KCNIP1: variants seen among roughly 807,000 people sequenced by gnomAD.
KCNIP1 encodes the protein potassium voltage-gated channel interacting protein 1, also known as A-type potassium channel modulatory protein KCNIP1.
KCNIP1 carries 18 observed loss-of-function variants against 33.0 expected under a neutral mutation model. That is an observed-to-expected ratio of 0.55 (90% CI 0.38 to 0.81). The LOEUF (loss-of-function observed/expected upper bound fraction) is 0.81. KCNIP1 is among the 30% of genes least tolerant of loss of function. The pLI is 0.00. For missense variants in KCNIP1, 238 were observed against 271.6 expected (o/e 0.88, Z 0.87); for synonymous variants, 93 against 98.3 (o/e 0.95, Z 0.32).
At chr5:170,542,552 C>G (rs1027340112) in intron 1 of KCNIP1, among the ~76,000 whole-genome samples, 1 of 152,072 alleles carries the variant, frequency 6.6e-6, no homozygotes, top group Non-Finnish European at 1.5e-5. Flanking sequence ...AATAGAATAC[C>G]TTAGATTGGG....
intron 1 of KCNIP1, among the ~76,000 whole-genome samples, chr5:170,537,246 T>C (rs1756024520): frequency 6.6e-6 from 1 of 152,146 alleles, no homozygotes; most frequent in Admixed American, 6.5e-5. Context: ...CAATCCCAAC[T>C]TTGACAATTG....
At chr5:170,383,722 G>A in intron 1 of KCNIP1, 1 of 1,614,158 alleles carries the variant, frequency 6.2e-7, no homozygotes, top group Non-Finnish European at 8.5e-7. Flanking sequence ...GTACAGCACA[G>A]CCCACCTGCC....
At chr5:170,591,866 C>T (rs1758274965) in intron 1 of KCNIP1, among the ~76,000 whole-genome samples, 1 of 152,170 alleles carries the variant, frequency 6.6e-6, no homozygotes, top group African/African-American at 2.4e-5. Context: ...TGGGTTGCAT[C>T]CACCTTTTTT....
At chr5:170,403,518 GA>G (rs1310770365) in intron 1 of KCNIP1, among the ~76,000 whole-genome samples, 1 of 152,172 alleles carries the variant, frequency 6.6e-6, no homozygotes, top group Non-Finnish European at 1.5e-5. Flanking sequence ...ATCAGCCATG[GA>G]AAGGCCCTGT....
intron 1 of KCNIP1, among the ~76,000 whole-genome samples, chr5:170,416,667 T>G (rs1755339041): frequency 1.3e-5 from 2 of 151,950 alleles, no homozygotes; most frequent in Non-Finnish European, 2.9e-5. Flanking sequence ...GCTAATTTTT[T>G]TTAATACTTA....
chr5:170,717,837 G>A (rs1053633119), intron 1 of KCNIP1, among the ~76,000 whole-genome samples: 1 of 152,196 alleles, frequency 6.6e-6, no homozygotes, highest in Non-Finnish European at 1.5e-5. Context: ...TCAATAGATG[G>A]ATTTGGTAAT....
At chr5:170,677,969 T>C (rs60110889) in intron 1 of KCNIP1, among the ~76,000 whole-genome samples, 16,102 of 152,146 alleles carry the variant, frequency 0.11, 1,669 homozygotes, top group African/African-American at 0.27. Flanking sequence ...ACATCTCCAA[T>C]ACAAACATAT....
intron 1 of KCNIP1, among the ~76,000 whole-genome samples, chr5:170,626,605 T>C (rs901086605): frequency 6.6e-6 from 1 of 152,082 alleles, no homozygotes; most frequent in Non-Finnish European, 1.5e-5. Context: ...ACTCCAAGGG[T>C]GACCAGGTGT....
At chr5:170,402,777 G>A (rs1482078114) in intron 1 of KCNIP1, among the ~76,000 whole-genome samples, 1 of 152,168 alleles carries the variant, frequency 6.6e-6, no homozygotes, top group African/African-American at 2.4e-5. Flanking sequence ...TGGAGGCAGG[G>A]GGAAAGCACC....
At chr5:170,430,932 CTTCCTG>C (rs1755726063) in intron 1 of KCNIP1, among the ~76,000 whole-genome samples, 1 of 152,246 alleles carries the variant, frequency 6.6e-6, no homozygotes, top group Non-Finnish European at 1.5e-5. Context: ...CTGTCCACGA[CTTCCTG>C]TCATGGCTGG....
intron 1 of KCNIP1, among the ~76,000 whole-genome samples, chr5:170,597,795 A>ATG (rs1758504958): frequency 1.6e-4 from 2 of 12,394 alleles, no homozygotes; most frequent in African/African-American, 6.6e-4. Context: ...ATATATATAT[A>ATG]TATATATATA....
At chr5:170,678,564 TAGA>T (rs1762224740) in intron 1 of KCNIP1, 1 of 152,198 alleles carries the variant, frequency 6.6e-6, no homozygotes, top group African/African-American at 2.4e-5. Flanking sequence ...CATTCTTTCC[TAGA>T]AATACCAGAA....
At chr5:170,629,378 AG>A (rs1759962519) in intron 1 of KCNIP1, among the ~76,000 whole-genome samples, 1 of 152,194 alleles carries the variant, frequency 6.6e-6, no homozygotes, top group Non-Finnish European at 1.5e-5. Flanking sequence ...CAGCAGGCCA[AG>A]GGACTCCTCC....
intron 1 of KCNIP1, among the ~76,000 whole-genome samples, chr5:170,623,264 A>G (rs1307811595): frequency 1.3e-5 from 2 of 150,630 alleles, no homozygotes; most frequent in East Asian, 4.0e-4. Context: ...CCCAGGCTGG[A>G]GTGCAATGGC....
chr5:170,473,006 C>G (rs1756771748), intron 1 of KCNIP1, among the ~76,000 whole-genome samples: 1 of 152,196 alleles, frequency 6.6e-6, no homozygotes, highest in Non-Finnish European at 1.5e-5. Flanking sequence ...GGAATCTCCA[C>G]ACTGTTTTCC....
chr5:170,525,299 T>C (rs1755527714), intron 1 of KCNIP1, among the ~76,000 whole-genome samples: 1 of 152,244 alleles, frequency 6.6e-6, no homozygotes, highest in South Asian at 2.1e-4. Context: ...CTTGGTGACT[T>C]AACCTTCCTG....
intron 1 of KCNIP1, among the ~76,000 whole-genome samples, chr5:170,617,765 C>CT (rs1361067596): frequency 6.6e-6 from 1 of 152,162 alleles, no homozygotes; most frequent in Non-Finnish European, 1.5e-5. Context: ...ATGAAGGATT[C>CT]TTTTTTTATG....
chr5:170,496,965 A>T (rs1561652004), intron 1 of KCNIP1, among the ~76,000 whole-genome samples: 1 of 152,004 alleles, frequency 6.6e-6, no homozygotes, highest in African/African-American at 2.4e-5. Context: ...CCGAGTATCT[A>T]GGACTTTGGT....
At chr5:170,593,731 G>A (rs1291799249) in intron 1 of KCNIP1, among the ~76,000 whole-genome samples, 1 of 152,176 alleles carries the variant, frequency 6.6e-6, no homozygotes, top group Non-Finnish European at 1.5e-5. Flanking sequence ...GCGGGGCTGG[G>A]GGGCCTCATC....
Sources: allele counts gnomAD v4.1 joint callset (sites outside exome capture counted in the v4.1 genomes callset), GRCh38; gene constraint gnomAD v4.1.1; transcripts MANE v1.5; gene names NCBI Gene and HGNC (gene_info 2026-07-23, HGNC 2026-07-21).